CCDC160: variants seen among roughly 807,000 people sequenced by gnomAD.
The protein encoded by CCDC160 is coiled-coil domain-containing protein 160.
For synonymous variants in CCDC160, 94 were observed against 79.4 expected, an observed-to-expected ratio of 1.18 and a Z score of -0.98; for missense variants, 227 against 215.6, an observed-to-expected ratio of 1.05 and a Z score of -0.33.
downstream of CCDC160, chrX:134,246,018 T>TGTGC (rs1432627024): frequency 4.3e-6 from 1 of 234,912 alleles, no homozygotes; most frequent in African/African-American, 2.9e-5. Context: ...TGTGTGTGTG[T>TGTGC]GTGTGTGTGT....
rs2077037710 is a variant in CCDC160, at chrX:134,244,989, G to GA, written c.195dup (p.Tyr66IlefsTer7). 1 of 1,179,701 alleles carries GA rather than the reference G, an allele frequency of 8.5e-7. No homozygotes were observed. The highest frequency in any genetic ancestry group is 1.1e-6 in the Non-Finnish European group (1 of 878,182). On this transcript the variant is annotated frameshift_variant, in exon 2 of 2. Transcript: ENST00000370809. LOFTEE classifies it low-confidence loss of function (END_TRUNC). ...TTCAGGAAGAAAGTAAATTTAAGAG[G>GA]AAAAAATATATTTTCCAACTAAATG...
At chrX:134,245,972 A>C, downstream of CCDC160, 1 of 333,792 alleles carries the variant, frequency 3.0e-6, no homozygotes, top group Admixed American at 5.6e-5. Flanking sequence ...AGGAATACAA[A>C]TGGAAACGAA....
chrX:134,242,066 G>T (rs1254691899), intron 1 of CCDC160, among the ~76,000 whole-genome samples: 1 of 110,891 alleles, frequency 9.0e-6, no homozygotes, highest in Non-Finnish European at 1.9e-5. Flanking sequence ...TTGGGAACAA[G>T]CCCTTAAAGG....
chrX:134,237,497 G>A (rs1395566066), intron 1 of CCDC160, among the ~76,000 whole-genome samples, 154 bp downstream of exon 1: 1 of 112,379 alleles, frequency 8.9e-6, no homozygotes, highest in Non-Finnish European at 1.9e-5. Flanking sequence ...GCCCCAGGCC[G>A]GGGCTGGAGA....
chrX:134,245,093 A>G (rs767214737), exon 2 of CCDC160: 4 of 1,184,700 alleles, frequency 3.4e-6, no homozygotes, highest in African/African-American at 1.8e-5. Context: ...TCTGCATCCT[A>G]TGAATCATCT....
intron 1 of CCDC160, chrX:134,243,477 T>G: frequency 3.6e-6 from 1 of 281,687 alleles, no homozygotes; most frequent in Non-Finnish European, 4.8e-6. Context: ...TATTTAAAAA[T>G]AAACTACTGT....
At chrX:134,245,533 G>A in exon 2 of CCDC160, 1 of 1,196,816 alleles carries the variant, frequency 8.4e-7, no homozygotes, top group Non-Finnish European at 1.1e-6. Flanking sequence ...AAAAGAAGCT[G>A]TTAGGAAGTT....
chrX:134,245,078 C>G (rs768639530), exon 2 of CCDC160: 3 of 1,183,574 alleles, frequency 2.5e-6, no homozygotes, highest in South Asian at 3.7e-5. Flanking sequence ...GAAACAGACA[C>G]AAATTCTGCA....
At chrX:134,246,004 AGT>A (rs201689931), downstream of CCDC160, 31,259 of 189,684 alleles carry the variant, frequency 0.16, 1,430 homozygotes, top group Admixed American at 0.32. Context: ...CTCATATCAG[AGT>A]GTGTGTGTGT....
intron 1 of CCDC160, among the ~76,000 whole-genome samples, chrX:134,239,614 C>T (rs1214963793): frequency 1.8e-5 from 2 of 110,075 alleles, no homozygotes; most frequent in Non-Finnish European, 3.8e-5. Context: ...TTCAAACTAA[C>T]TTTTTCTGAG....
chrX:134,245,146 G>T, exon 2 of CCDC160: 1 of 1,196,758 alleles, frequency 8.4e-7, no homozygotes. Context: ...CAGCACAGAA[G>T]ATAACTCTAC....
At chrX:134,239,678 A>G (rs893031336) in intron 1 of CCDC160, among the ~76,000 whole-genome samples, 1 of 111,309 alleles carries the variant, frequency 9.0e-6, no homozygotes, top group Non-Finnish European at 1.9e-5. Flanking sequence ...GAGAAAGTTT[A>G]GGTTGTTTAA....
chrX:134,245,488 G>T, exon 2 of CCDC160: 1 of 1,192,650 alleles, frequency 8.4e-7, no homozygotes, highest in Non-Finnish European at 1.1e-6. Context: ...AGCCAAAGAA[G>T]TCATCCACAA....
At chrX:134,246,601 G>A (rs1479747096), downstream of CCDC160, among the ~76,000 whole-genome samples, 1 of 112,108 alleles carries the variant, frequency 8.9e-6, no homozygotes, top group Non-Finnish European at 1.9e-5. Flanking sequence ...ATGTCATCTG[G>A]ATAAACTTTT....
intron 1 of CCDC160, among the ~76,000 whole-genome samples, chrX:134,244,340 G>A (rs2077035643): frequency 8.9e-6 from 1 of 112,193 alleles, no homozygotes; most frequent in Admixed American, 9.4e-5. Context: ...TTTAAAGAAT[G>A]AATTAACAAT....
intron 1 of CCDC160, among the ~76,000 whole-genome samples, chrX:134,240,348 A>G (rs1403747304): frequency 8.9e-6 from 1 of 111,847 alleles, no homozygotes; most frequent in Admixed American, 9.5e-5. Context: ...AAAGTTCTTT[A>G]TGTTAAGAGG....
downstream of CCDC160, chrX:134,245,866 A>C: frequency 3.3e-6 from 2 of 614,168 alleles, no homozygotes; most frequent in Non-Finnish European, 4.7e-6. Context: ...AAATATATGT[A>C]ATAGGATGTT....
intron 1 of CCDC160, among the ~76,000 whole-genome samples, chrX:134,239,939 A>T (rs1313528579): frequency 1.8e-5 from 2 of 112,113 alleles, no homozygotes; most frequent in African/African-American, 6.5e-5. Flanking sequence ...TTCCTTTCTC[A>T]GGAACTTCCT....
intron 1 of CCDC160, among the ~76,000 whole-genome samples, chrX:134,241,339 A>C (rs1295102860): frequency 8.9e-6 from 1 of 111,918 alleles, no homozygotes; most frequent in Admixed American, 9.5e-5. Flanking sequence ...TTATTTTATC[A>C]GTGGTTCTCA....
Sources: gnomAD v4.1 joint callset for allele counts (sites outside exome capture counted in the v4.1 genomes callset) on GRCh38, gnomAD v4.1.1 for gene constraint, MANE v1.5 for transcripts, NCBI Gene and HGNC (gene_info 2026-07-23, HGNC 2026-07-21) for gene names.